COL12A1: variants seen among roughly 807,000 people sequenced by gnomAD.
COL12A1 encodes the protein collagen type XII alpha 1 chain.
In COL12A1, 114 loss-of-function variants were observed where a neutral mutation model predicts 349.7. That is an observed-to-expected ratio of 0.33 (90% CI 0.28 to 0.38). The LOEUF (loss-of-function observed/expected upper bound fraction) is 0.38. Among genes scored for constraint, COL12A1 ranks in the 10% least tolerant of loss-of-function variants. The pLI, the probability that COL12A1 is intolerant of heterozygous loss-of-function variation, is 1.00. For missense variants in COL12A1, 3,284 were observed against 3,756.9 expected, an observed-to-expected ratio of 0.87 and a Z score of 3.29; for synonymous variants, 1,369 against 1,329.0, an observed-to-expected ratio of 1.03 and a Z score of -0.66.
In COL12A1 at chr6:75,105,234, A is replaced by G. The variant is rs34369939; in HGVS notation, c.8237T>C (p.Val2746Ala). 0.011 allele frequency: 17,542 copies of G among 1,613,766 alleles called. 122 individuals are homozygous for G. The highest frequency in any genetic ancestry group is 0.011 in the Non-Finnish European group (13,568 of 1,179,824). Residue 2746 changes from valine (V) to alanine (A), a missense_variant, in exon 54 of 66, where the codon GTT (valine) becomes GCT (alanine). Val to Ala is a moderately conservative substitution (Grantham distance 64). Coordinates refer to ENST00000322507, the MANE Select transcript of COL12A1 (RefSeq NM_004370.6). ...PNSCTCTQDS[V>A]GPPGPPGPAG... The stretch of plus-strand genomic sequence containing the variant: ...AGGGCCTGGAGGTCCTGGAGGTCCA[A>G]CGCTGTCCTGTGTACATGTGCAAGA...
At chr6:75,202,293 GC>G (rs1329908109) in intron 2 of COL12A1, among the ~76,000 whole-genome samples, 1 of 152,238 alleles carries the variant, frequency 6.6e-6, no homozygotes, top group Admixed American at 6.5e-5. Flanking sequence ...CGAGGTCGCA[GC>G]CCCGAGCCAG....
At chr6:75,159,198 T>C (rs527405547) in intron 14 of COL12A1, among the ~76,000 whole-genome samples, 1 of 151,524 alleles carries the variant, frequency 6.6e-6, no homozygotes, top group East Asian at 1.9e-4. Flanking sequence ...CAATATATGG[T>C]TATGATGGTT....
chr6:75,086,647 AG>A, intron 65 of COL12A1, 90 bp from the exon 66 acceptor site: 1 of 512,192 alleles, frequency 2.0e-6, no homozygotes, highest in Admixed American at 4.0e-5. Flanking sequence ...TAATGGTTAA[AG>A]TATATATATA....
chr6:75,121,168 A>G, intron 44 of COL12A1, 134 bp downstream of exon 44: 2 of 756,306 alleles, frequency 2.6e-6, no homozygotes, highest in South Asian at 4.3e-5. Flanking sequence ...CCAAAAATAC[A>G]TGAATAAAAG....
Position 75,125,221 on chromosome 6 carries a change from T to G in COL12A1, c.6513A>C (p.Leu2171Phe). ...AFVGEMTSYT[L>F]HNLNPSTTYD... Reference sequence around the variant, plus strand: ...AGGTGGTGCTGGGATTGAGATTGTGTAAGGTATATGATGTCATTTCTCCAA... The same window carrying G: ...AGGTGGTGCTGGGATTGAGATTGTGGAAGGTATATGATGTCATTTCTCCAA... The change falls in exon 40 of 66, where the codon TTA becomes TTC. Residue 2171 changes from leucine (L) to phenylalanine (F), a missense_variant. This residue lies in a region of COL12A1 where 2,601 missense variants were observed against 2,824.8 expected (regional missense o/e 0.92). Transcript: ENST00000322507. 6.2e-7 allele frequency: 1 copy of G among 1,612,112 alleles called. No individual in the cohort carries two copies. Among genetic ancestry groups the G allele is most frequent in the Non-Finnish European group, 8.5e-7 (1 of 1,178,820 alleles).
intron 49 of COL12A1, 21 bp from the exon 50 acceptor site, chr6:75,113,765 A>C (rs761574255): frequency 6.5e-7 from 1 of 1,536,608 alleles, no homozygotes; most frequent in South Asian, 1.3e-5. Context: ...AAACAAAAGA[A>C]AGAAAAAGGA....
intron 2 of COL12A1, among the ~76,000 whole-genome samples, chr6:75,198,039 A>G (rs750892406): frequency 2.0e-4 from 30 of 152,202 alleles, no homozygotes; most frequent in Non-Finnish European, 4.3e-4. Context: ...TTTACAGATA[A>G]ATCAGTGAAA....
At chr6:75,139,603 T>C (rs936758780) in intron 27 of COL12A1, among the ~76,000 whole-genome samples, 3 of 152,232 alleles carry the variant, frequency 2.0e-5, no homozygotes, top group Admixed American at 2.0e-4. Context: ...AGAACATACA[T>C]ACATACTGCT....
intron 7 of COL12A1, among the ~76,000 whole-genome samples, 183 bp downstream of exon 7, chr6:75,189,034 T>C (rs1769783765): frequency 6.6e-6 from 1 of 152,040 alleles, no homozygotes; most frequent in Non-Finnish European, 1.5e-5. Context: ...GGGAGTTATA[T>C]GAGGGAAATA....
At chr6:75,171,292 C>T (rs1768619498) in intron 13 of COL12A1, among the ~76,000 whole-genome samples, 1 of 152,172 alleles carries the variant, frequency 6.6e-6, no homozygotes, top group African/African-American at 2.4e-5. Flanking sequence ...TAGTAATAAA[C>T]TCTGCCTTTG....
At chr6:75,135,651 T>C (rs1017580394) in intron 31 of COL12A1, among the ~76,000 whole-genome samples, 27 of 152,224 alleles carry the variant, frequency 1.8e-4, no homozygotes, top group African/African-American at 5.8e-4. Context: ...GATGGCTGGA[T>C]GTGCTAGAAC....
intron 65 of COL12A1, 180 bp downstream of exon 65, chr6:75,087,397 T>C (rs1767553307): frequency 1.7e-6 from 1 of 576,138 alleles, no homozygotes; most frequent in Non-Finnish European, 2.9e-6. Flanking sequence ...AATTCAATCC[T>C]AACAGTGAAA....
intron 1 of COL12A1, among the ~76,000 whole-genome samples, chr6:75,205,355 G>C (rs1408915154): frequency 6.6e-6 from 1 of 151,092 alleles, no homozygotes; most frequent in Non-Finnish European, 1.5e-5. Context: ...ATTCCGCACC[G>C]TGCGTCACCA....
chr6:75,203,476 T>G (rs1205486375), intron 1 of COL12A1, among the ~76,000 whole-genome samples: 1 of 152,118 alleles, frequency 6.6e-6, no homozygotes, highest in East Asian at 1.9e-4. Flanking sequence ...TAATAACAAA[T>G]AAGGCAGCAA....
At chr6:75,174,684 C>A (rs1768823085) in intron 13 of COL12A1, among the ~76,000 whole-genome samples, 1 of 152,188 alleles carries the variant, frequency 6.6e-6, no homozygotes, top group South Asian at 2.1e-4. Flanking sequence ...GCTGCATAAA[C>A]TTGGGCAATC....
At chr6:75,163,480 G>A (rs1466601163) in intron 14 of COL12A1, among the ~76,000 whole-genome samples, 1 of 152,078 alleles carries the variant, frequency 6.6e-6, no homozygotes, top group Non-Finnish European at 1.5e-5. Context: ...CATGGACACA[G>A]GGAGGGGAAC....
intron 11 of COL12A1, among the ~76,000 whole-genome samples, chr6:75,178,579 G>A (rs1415790071): frequency 6.6e-6 from 1 of 152,124 alleles, no homozygotes; most frequent in African/African-American, 2.4e-5. Context: ...TTTTCATTAT[G>A]CCCAAATGAG....
chr6:75,155,266 T>C (rs1767694565), intron 16 of COL12A1, among the ~76,000 whole-genome samples: 1 of 152,146 alleles, frequency 6.6e-6, no homozygotes, highest in Non-Finnish European at 1.5e-5. Context: ...ACACTCAAGA[T>C]CTCAGCATGA....
At chr6:75,194,555 G>T (rs895935017) in intron 3 of COL12A1, among the ~76,000 whole-genome samples, 1 of 152,022 alleles carries the variant, frequency 6.6e-6, no homozygotes, top group African/African-American at 2.4e-5. Flanking sequence ...AAGATCAAAG[G>T]TTACTAACAA....
Sources: gnomAD v4.1 joint callset for allele counts (sites outside exome capture counted in the v4.1 genomes callset) on GRCh38, gnomAD v4.1.1 for gene constraint, gnomAD v4.1.1 regional missense constraint, MANE v1.5 for transcripts, NCBI Gene and HGNC (gene_info 2026-07-23, HGNC 2026-07-21) for gene names.